C9: variants seen among roughly 807,000 people sequenced by gnomAD.
C9 encodes the protein complement component C9.
C9 carries 63 observed loss-of-function variants against 65.4 expected under a neutral mutation model. That is an observed-to-expected ratio of 0.96 (90% CI 0.79 to 1.19). The LOEUF (loss-of-function observed/expected upper bound fraction) is 1.19. Ranked by LOEUF, C9 falls within the 50% of genes most tolerant of loss-of-function variation. The pLI is 0.00. For synonymous variants in C9, 229 were observed against 227.9 expected, an observed-to-expected ratio of 1.00 and a Z score of -0.04; for missense variants, 744 against 670.1, an observed-to-expected ratio of 1.11 and a Z score of -1.22.
Position 39,364,439 on chromosome 5 carries a change from A to T in C9, c.26T>A (p.Val9Asp). Residue 9 changes from valine to aspartate, a missense_variant, in exon 1 of 11, where the codon GTT (valine) becomes GAT (aspartate). Coordinates refer to ENST00000263408, the MANE Select transcript of C9 (RefSeq NM_001737.5). ...GCTTATTTCTAAAATGCAGATTGCA[A>T]CTGCAAAGCTCCGGCAGGCTGACAT... MSACRSFAVAICILEISIL... is the reference protein window; with the variant it reads MSACRSFADAICILEISIL... 1 of 1,609,276 alleles carries T rather than the reference A, an allele frequency of 6.2e-7. No individual in the cohort carries two copies. The highest frequency in any genetic ancestry group is 1.1e-5 in the South Asian group (1 of 90,946).
chr5:39,336,664 G>A (rs987799526), intron 4 of C9, among the ~76,000 whole-genome samples: 1 of 152,118 alleles, frequency 6.6e-6, no homozygotes, highest in African/African-American at 2.4e-5. Context: ...GCTAGGAAGA[G>A]ACAGTGTTCA....
intron 9 of C9, among the ~76,000 whole-genome samples, chr5:39,294,196 G>A (rs1053828232): frequency 2.0e-5 from 3 of 151,666 alleles, no homozygotes; most frequent in Non-Finnish European, 3.0e-5. Flanking sequence ...GAAGGAAAGA[G>A]ATAATAATGA....
chr5:39,326,435 A>G (rs576930980), intron 5 of C9, among the ~76,000 whole-genome samples: 53 of 152,304 alleles, frequency 3.5e-4, no homozygotes, highest in African/African-American at 1.3e-3. Flanking sequence ...TTCTTGGACC[A>G]TAAAATAGCC....
rs754465453 is a variant in C9 at position 39,342,086 on chromosome 5, C to T, written c.183+5G>A. On this transcript the variant is annotated splice_donor_5th_base_variant and intron_variant, in intron 2 of 10. Transcript: ENST00000263408. ...GGTCAGTGGGGAAGGGAGATGAACA[C>T]TTACCATTTGTCTGAGACAAGGATC... 2.0e-6 allele frequency: 3 copies of T among 1,504,432 alleles called. No homozygotes were observed. The highest frequency in any genetic ancestry group is 2.7e-5 in the African/African-American group (2 of 72,758). The allele number at this position is 1,504,432 out of a possible 1,614,324, so 93.2% of individuals were successfully genotyped here.
At chr5:39,316,953 C>T (rs1049786265) in intron 5 of C9, among the ~76,000 whole-genome samples, 1 of 152,226 alleles carries the variant, frequency 6.6e-6, no homozygotes, top group Non-Finnish European at 1.5e-5. Context: ...AACCAATTTA[C>T]ACACCCACCA....
chr5:39,333,081 T>G (rs762400293), intron 4 of C9, among the ~76,000 whole-genome samples: 46 of 152,192 alleles, frequency 3.0e-4, no homozygotes, highest in Non-Finnish European at 6.5e-4. Flanking sequence ...GGCCTTAAAG[T>G]TCTAATATAG....
At chr5:39,339,434 C>A (rs1754029091) in intron 4 of C9, among the ~76,000 whole-genome samples, 1 of 152,224 alleles carries the variant, frequency 6.6e-6, no homozygotes, top group South Asian at 2.1e-4. Context: ...GAGGAGACAT[C>A]TCCTTCATTA....
Position 39,306,592 on chromosome 5 carries a change from G to C in C9, c.1416+25C>G, listed in dbSNP as rs751092802. ...TAATAAAAAAATGACACAGTCTTCT[G>C]TTTGAAAATAAACACGTTTCTTACT... On this transcript the variant is annotated intron_variant, in intron 9 of 10. Transcript: ENST00000263408. The C allele has an allele frequency of 4.4e-6, 7 of 1,576,902 alleles. No individual in the cohort carries two copies. The African/African-American group carries it at 8.1e-5, about 18-fold the overall frequency.
At chr5:39,322,006 A>G (rs1251730601) in intron 5 of C9, among the ~76,000 whole-genome samples, 2 of 152,096 alleles carry the variant, frequency 1.3e-5, no homozygotes, top group Admixed American at 6.5e-5. Context: ...AAATGGACCT[A>G]ACAAATATAC....
intron 5 of C9, among the ~76,000 whole-genome samples, chr5:39,317,701 T>C (rs1666054728): frequency 2.0e-5 from 3 of 152,194 alleles, no homozygotes; most frequent in Admixed American, 2.0e-4. Flanking sequence ...CATTGGTCTA[T>C]GTGTCTGTTT....
chr5:39,351,187 C>T (rs1754316073), intron 1 of C9, among the ~76,000 whole-genome samples: 1 of 152,154 alleles, frequency 6.6e-6, no homozygotes, highest in African/African-American at 2.4e-5. Context: ...AGCTGTGATG[C>T]AGGGTGTCAT....
At chr5:39,355,892 C>A (rs1164946149) in intron 1 of C9, among the ~76,000 whole-genome samples, 1 of 152,122 alleles carries the variant, frequency 6.6e-6, no homozygotes, top group East Asian at 1.9e-4. Context: ...TATAAGGACA[C>A]CAGTCGTATT....
At chr5:39,340,174 G>T (rs981413714) in intron 4 of C9, among the ~76,000 whole-genome samples, 1 of 152,152 alleles carries the variant, frequency 6.6e-6, no homozygotes, top group Non-Finnish European at 1.5e-5. Flanking sequence ...TTAATAATTA[G>T]CCAATGTATC....
At chr5:39,312,527 G>C (rs554289875) in intron 6 of C9, among the ~76,000 whole-genome samples, 1 of 152,104 alleles carries the variant, frequency 6.6e-6, no homozygotes, top group African/African-American at 2.4e-5. Context: ...ACAGAGACAG[G>C]ACAGACAATA....
intron 4 of C9, 58 bp from the exon 5 acceptor site, chr5:39,331,872 C>A: frequency 6.7e-7 from 1 of 1,482,780 alleles, no homozygotes; most frequent in South Asian, 1.1e-5. Context: ...TGCAAGGCAG[C>A]CCTCTGTAGC....
At chr5:39,298,020 A>T (rs1753215273) in intron 9 of C9, among the ~76,000 whole-genome samples, 1 of 151,780 alleles carries the variant, frequency 6.6e-6, no homozygotes, top group South Asian at 2.1e-4. Flanking sequence ...ACAGAAAGCT[A>T]TCTGAAAAAT....
intron 9 of C9, among the ~76,000 whole-genome samples, chr5:39,305,981 C>A (rs897153797): frequency 1.3e-5 from 2 of 151,690 alleles, no homozygotes; most frequent in African/African-American, 4.8e-5. Context: ...GCCAACATGG[C>A]GAAACCCTGT....
rs1199303022 is a variant in C9, at chr5:39,311,348, T to C, written c.900A>G (p.Glu300=). 6.2e-7 allele frequency: 1 copy of C among 1,612,890 alleles called. No individual in the cohort carries two copies. Among genetic ancestry groups the C allele is most frequent in the Admixed American group, 1.7e-5 (1 of 59,990 alleles). Residue 300 remains glutamate, a synonymous_variant, in exon 7 of 11, where the codon GAA becomes GAG. Transcript: ENST00000263408. ...KEKMFLHVKG[E]IHLGRFVMRN... ...TCATTACAAATCTTCCCAGATGAAT[T>C]TCTCCTTTCACATGCAGAAACATTT...
At chr5:39,332,802 T>G (rs1023811586) in intron 4 of C9, among the ~76,000 whole-genome samples, 15 of 152,268 alleles carry the variant, frequency 9.9e-5, no homozygotes, top group Non-Finnish European at 1.5e-5. Context: ...GGTAGTTTAC[T>G]GTAAACCCAT....
Sources: allele counts gnomAD v4.1 joint callset (sites outside exome capture counted in the v4.1 genomes callset), GRCh38; gene constraint gnomAD v4.1.1; transcripts MANE v1.5; gene names NCBI Gene and HGNC (gene_info 2026-07-23, HGNC 2026-07-21).